Variants in VEGFC observed in about 807,000 individuals in gnomAD.
VEGFC encodes the protein FLT4 ligand DHM.
A neutral mutation model predicts 46.1 loss-of-function variants in VEGFC; 12 were observed. The observed-to-expected ratio is 0.26, with a 90% CI of 0.17 to 0.42. VEGFC has a LOEUF of 0.42. VEGFC is among the 10% of genes least tolerant of loss of function. The pLI is 1.00. For missense variants in VEGFC, 488 were observed against 529.4 expected (o/e 0.92, Z 0.77); for synonymous variants, 232 against 195.5 (o/e 1.19, Z -1.56).
At chr4:176,791,561 A>C (rs373593905) in intron 1 of VEGFC, among the ~76,000 whole-genome samples, 1 of 72,414 alleles carries the variant, frequency 1.4e-5, no homozygotes, top group Non-Finnish European at 4.6e-5. Context: ...AGTTGAAACA[A>C]GCCTTGCATT....
chr4:176,746,212 C>T (rs1039090805), intron 1 of VEGFC, among the ~76,000 whole-genome samples: 1 of 152,086 alleles, frequency 6.6e-6, no homozygotes, highest in East Asian at 1.9e-4. Flanking sequence ...TCAGTCTGTG[C>T]TACCTTTCTG....
chr4:176,775,657 T>C (rs113525796), intron 1 of VEGFC, among the ~76,000 whole-genome samples: 1 of 152,230 alleles, frequency 6.6e-6, no homozygotes, highest in African/African-American at 2.4e-5. Context: ...ATGATTATGA[T>C]GACAAATTCA....
intron 1 of VEGFC, among the ~76,000 whole-genome samples, chr4:176,762,897 C>T: frequency 6.6e-6 from 1 of 152,134 alleles, no homozygotes; most frequent in Middle Eastern, 3.2e-3. Context: ...AATAGTAGTT[C>T]CCTAAGTTAA....
intron 4 of VEGFC, among the ~76,000 whole-genome samples, chr4:176,699,474 G>T (rs533374971): frequency 6.6e-6 from 1 of 152,288 alleles, no homozygotes; most frequent in East Asian, 1.9e-4. Flanking sequence ...ACTTGTAATT[G>T]TATTATGAAG....
chr4:176,768,939 T>A (rs545758381), intron 1 of VEGFC, among the ~76,000 whole-genome samples: 1 of 152,114 alleles, frequency 6.6e-6, no homozygotes, highest in African/African-American at 2.4e-5. Flanking sequence ...TGGTCTGTAA[T>A]GTCAATGTCC....
At chr4:176,728,671 T>C (rs1402239007) in intron 2 of VEGFC, among the ~76,000 whole-genome samples, 1 of 152,202 alleles carries the variant, frequency 6.6e-6, no homozygotes, top group African/African-American at 2.4e-5. Flanking sequence ...AATAATGTAC[T>C]TCCTAAGTAT....
At chr4:176,748,160 A>G (rs1308965580) in intron 1 of VEGFC, among the ~76,000 whole-genome samples, 5 of 152,118 alleles carry the variant, frequency 3.3e-5, no homozygotes, top group African/African-American at 4.8e-5. Flanking sequence ...GACGACATAC[A>G]TACAATTTAT....
chr4:176,755,095 G>A (rs1436842703), intron 1 of VEGFC, among the ~76,000 whole-genome samples: 1 of 151,936 alleles, frequency 6.6e-6, no homozygotes, highest in Non-Finnish European at 1.5e-5. Context: ...TTCATCTGTT[G>A]GTTCCAATTC....
chr4:176,686,636 C>T (rs941873481), intron 6 of VEGFC, among the ~76,000 whole-genome samples: 3 of 152,044 alleles, frequency 2.0e-5, no homozygotes, highest in Non-Finnish European at 4.4e-5. Context: ...GTGCTTGAGT[C>T]GAATAACTTC....
intron 1 of VEGFC, among the ~76,000 whole-genome samples, chr4:176,749,351 C>T (rs901622553): frequency 1.3e-5 from 2 of 151,876 alleles, no homozygotes; most frequent in African/African-American, 4.8e-5. Context: ...TGGAAAAAAT[C>T]AATTTGAGAT....
chr4:176,792,419 C>G lies in VEGFC; in HGVS notation c.-108G>C. The G allele has an allele frequency of 1.1e-6, 1 of 899,664 alleles. No homozygotes were observed. Among genetic ancestry groups the G allele is most frequent in the African/African-American group, 1.8e-5 (1 of 56,336 alleles). The allele number at this position is 899,664 out of a possible 1,614,324, so 55.7% of individuals were successfully genotyped here. ...CCTCCTGGTCCCTCTCCCCCGGGCTCCTCCCGGCGACCCCCCCTGGGCGAG... is the reference window on the plus strand; with the variant it reads ...CCTCCTGGTCCCTCTCCCCCGGGCTGCTCCCGGCGACCCCCCCTGGGCGAG... On this transcript the variant is annotated 5_prime_UTR_variant, in exon 1 of 7. Transcript: ENST00000618562. This position sits in a 1 kb window ranked among gnomAD's most constrained non-coding sequence, Gnocchi z 6.3.
At chr4:176,742,129 T>A (rs184797649) in intron 1 of VEGFC, among the ~76,000 whole-genome samples, 7 of 151,992 alleles carry the variant, frequency 4.6e-5, no homozygotes, top group African/African-American at 1.7e-4. Context: ...ACTGTTTCCA[T>A]CTTTATGTGC....
chr4:176,706,279 A>G (rs1734532722), intron 4 of VEGFC: 1 of 46,700 alleles, frequency 2.1e-5, no homozygotes. Context: ...ACTGTGGGAA[A>G]TCTCCCTCCC....
intron 1 of VEGFC, among the ~76,000 whole-genome samples, chr4:176,760,522 C>A (rs1311478220): frequency 6.6e-6 from 1 of 152,106 alleles, no homozygotes; most frequent in Non-Finnish European, 1.5e-5. Flanking sequence ...TATTTATCAG[C>A]CCTGTAACTG....
intron 1 of VEGFC, among the ~76,000 whole-genome samples, chr4:176,785,840 T>G (rs13132761): frequency 0.71 from 107,660 of 151,980 alleles, 44,102 homozygotes; most frequent in East Asian, 0.99. Flanking sequence ...GTGTGGGGGG[T>G]TCTGTGTATG....
chr4:176,725,490 T>TA (rs1285584776), intron 3 of VEGFC, among the ~76,000 whole-genome samples: 2 of 152,098 alleles, frequency 1.3e-5, no homozygotes, highest in East Asian at 1.9e-4. Flanking sequence ...TCTATGTTTT[T>TA]AAAAAATATG....
chr4:176,727,756 A>C, intron 3 of VEGFC, 22 bp downstream of exon 3: 1 of 1,592,420 alleles, frequency 6.3e-7, no homozygotes. Flanking sequence ...TCTCGCAGGT[A>C]GCAGGAATGG....
chr4:176,744,768 T>G (rs1012473518), intron 1 of VEGFC, among the ~76,000 whole-genome samples: 1 of 151,916 alleles, frequency 6.6e-6, no homozygotes, highest in East Asian at 1.9e-4. Context: ...GTTTTATAAA[T>G]GAAGAAGCTG....
intron 1 of VEGFC, among the ~76,000 whole-genome samples, chr4:176,737,131 C>A (rs375703117): frequency 1.3e-4 from 20 of 149,924 alleles, no homozygotes; most frequent in Non-Finnish European, 2.2e-4. Flanking sequence ...AACATCCTAA[C>A]GTCAAATGTA....
Sources: gnomAD v4.1 joint callset for allele counts (sites outside exome capture counted in the v4.1 genomes callset) on GRCh38, gnomAD v4.1.1 for gene constraint, Gnocchi (gnomAD v3.1) non-coding constraint, MANE v1.5 for transcripts, NCBI Gene and HGNC (gene_info 2026-07-23, HGNC 2026-07-21) for gene names.